The following AGFG1 variants were observed in gnomAD, a reference collection of about 807,000 sequenced individuals.
AGFG1 encodes ArfGAP with FG repeats 1.
AGFG1 carries 10 observed loss-of-function variants against 60.6 expected under a neutral mutation model. The ratio of observed to expected loss-of-function variants is 0.16; its 90% CI spans 0.10 to 0.28. The LOEUF (loss-of-function observed/expected upper bound fraction) is 0.28. Ranked by LOEUF, AGFG1 falls within the 10% of genes least tolerant of loss-of-function variation. AGFG1 has a pLI of 1.00. For missense variants in AGFG1, 537 were observed against 676.5 expected (o/e 0.79, Z 2.29); for synonymous variants, 247 against 242.9 (o/e 1.02, Z -0.16).
chr2:227,491,466 GAAATATTT>G (rs71412126), intron 1 of AGFG1, 73 bp from the exon 2 acceptor site: 79,722 of 868,356 alleles, frequency 0.092, 3,689 homozygotes, highest in Admixed American at 0.13. Context: ...GTGTTGGTTA[GAAATATTT>G]TGAATTACTA....
Position 227,491,563 on chromosome 2 carries a change from C to A in AGFG1, c.184C>A (p.Pro62Thr). Residue 62 changes from proline to threonine, a missense_variant, in exon 2 of 13, where the codon CCA (proline) becomes ACA (threonine). Physicochemically the swap from Pro to Thr is conservative, Grantham distance 38. Coordinates refer to ENST00000310078, the MANE Select transcript of AGFG1 (RefSeq NM_004504.5). ...ATCTTTTAGGCGAGGATTAAATCCA[C>A]CACACAGGGTGAAATCTATCTCCAT... ...CSGSLRGLNP[P>T]HRVKSISMTT... 6.4e-7 allele frequency: 1 copy of A among 1,552,518 alleles called. No individual in the cohort carries two copies. Among genetic ancestry groups the A allele is most frequent in the East Asian group, 2.4e-5 (1 of 42,540 alleles).
chr2:227,480,430 C>G (rs1393429920), intron 1 of AGFG1, among the ~76,000 whole-genome samples: 1 of 151,880 alleles, frequency 6.6e-6, no homozygotes, highest in African/African-American at 2.4e-5. Flanking sequence ...GATGGAGTCT[C>G]ACTCCATCTC....
At chr2:227,520,869 G>A (rs1691803866) in intron 3 of AGFG1, among the ~76,000 whole-genome samples, 1 of 152,114 alleles carries the variant, frequency 6.6e-6, no homozygotes, top group African/African-American at 2.4e-5. Flanking sequence ...TAAATAATGG[G>A]GAAGTAACGA....
chr2:227,504,188 A>T (rs540490494), intron 2 of AGFG1, among the ~76,000 whole-genome samples: 373 of 138,582 alleles, frequency 2.7e-3, no homozygotes, highest in Non-Finnish European at 3.9e-3. Context: ...CTTGGTGTAA[A>T]TTTTTTTTTT....
chr2:227,529,100 G>A (rs1269747592), intron 5 of AGFG1, among the ~76,000 whole-genome samples: 1 of 151,986 alleles, frequency 6.6e-6, no homozygotes, highest in East Asian at 1.9e-4. Context: ...AGAATAAAAT[G>A]TATATGCCTG....
At chr2:227,553,301 C>T (rs183918603) in intron 11 of AGFG1, among the ~76,000 whole-genome samples, 1 of 152,124 alleles carries the variant, frequency 6.6e-6, no homozygotes, top group East Asian at 1.9e-4. Context: ...AGATTGAGAC[C>T]AGCCTGGGCA....
chr2:227,519,782 AC>A lies in AGFG1; in HGVS notation c.262-165del, dbSNP rs537569290. 4.3e-3 allele frequency among the ~76,000 whole-genome samples: 654 copies of A among 152,366 alleles called. 1 individual carries two copies. Among genetic ancestry groups the A allele is most frequent in the Non-Finnish European group, 6.7e-3 (459 of 68,026 alleles). ...TGCTAAAATTTTACTGCATACTGCA[AC>A]ATATTAAAAATAAATTTAGTTCCTG... On this transcript the variant is annotated intron_variant, in intron 2 of 12. Coordinates refer to ENST00000310078, the MANE Select transcript of AGFG1 (RefSeq NM_004504.5).
At chr2:227,503,310 G>A (rs1691215370) in intron 2 of AGFG1, among the ~76,000 whole-genome samples, 1 of 151,404 alleles carries the variant, frequency 6.6e-6, no homozygotes, top group Non-Finnish European at 1.5e-5. Context: ...TGTCATTTGT[G>A]TATTTGTTAA....
intron 2 of AGFG1, among the ~76,000 whole-genome samples, chr2:227,493,212 T>A (rs552425871): frequency 6.6e-6 from 1 of 152,266 alleles, no homozygotes; most frequent in African/African-American, 2.4e-5. Context: ...TTTTTAGATG[T>A]GCAGTATTCT....
intron 10 of AGFG1, among the ~76,000 whole-genome samples, chr2:227,546,749 A>G (rs1692661246): frequency 1.3e-5 from 2 of 152,238 alleles, no homozygotes; most frequent in South Asian, 4.1e-4. Flanking sequence ...CAGAGCCCTT[A>G]AATCTAATTA....
rs368732307 is a variant in AGFG1 at position 227,544,735 on chromosome 2, A to G, written c.1379-7224A>G. Among the ~76,000 whole-genome samples, 7 of 152,304 alleles carry G rather than the reference A, an allele frequency of 4.6e-5. No homozygotes were observed. The East Asian group carries it at 7.7e-4, about 17-fold the overall frequency. ...CTTATGAAGCTTAGTTTGGCTGGAT[A>G]TGAAATTCTGGGTTGAAAATTCTTT... On this transcript the variant is annotated intron_variant, in intron 10 of 12. Coordinates refer to ENST00000310078, the MANE Select transcript of AGFG1 (RefSeq NM_004504.5).
chr2:227,493,072 A>G (rs1469621339), intron 2 of AGFG1, among the ~76,000 whole-genome samples: 2 of 152,200 alleles, frequency 1.3e-5, no homozygotes, highest in Non-Finnish European at 2.9e-5. Flanking sequence ...ACAGCAGTCA[A>G]TTGAAGAAGT....
chr2:227,530,856 G>A (rs34044110), intron 5 of AGFG1, among the ~76,000 whole-genome samples: 114,305 of 152,018 alleles, frequency 0.75, 43,086 homozygotes, highest in South Asian at 0.84. Flanking sequence ...AGAGTATTGT[G>A]TCCAAATTTA....
intron 2 of AGFG1, among the ~76,000 whole-genome samples, chr2:227,492,881 C>T (rs1016444129): frequency 5.3e-5 from 8 of 150,856 alleles, no homozygotes; most frequent in African/African-American, 1.9e-4. Flanking sequence ...ATTTGAACTA[C>T]TTGTGTAAAG....
At chr2:227,506,486 T>C (rs2106188961) in intron 2 of AGFG1, among the ~76,000 whole-genome samples, 1 of 150,812 alleles carries the variant, frequency 6.6e-6, no homozygotes, top group East Asian at 2.0e-4. Context: ...TCTTGTACTT[T>C]AAGCTTTAAG....
chr2:227,531,305 T>C, intron 6 of AGFG1, 95 bp downstream of exon 6: 1 of 1,374,518 alleles, frequency 7.3e-7, no homozygotes, highest in Non-Finnish European at 9.8e-7. Flanking sequence ...TTAAATTCTG[T>C]AATTATCTGA....
At chr2:227,509,643 C>CAA (rs1691437970) in intron 2 of AGFG1, among the ~76,000 whole-genome samples, 1 of 151,738 alleles carries the variant, frequency 6.6e-6, no homozygotes, top group Non-Finnish European at 1.5e-5. Flanking sequence ...CAAATGTTAC[C>CAA]GTTGGAGACT....
At chr2:227,473,012 G>C (rs1316375772) in intron 1 of AGFG1, among the ~76,000 whole-genome samples, 1 of 150,262 alleles carries the variant, frequency 6.7e-6, no homozygotes, top group Admixed American at 6.6e-5. Context: ...CGGGTCCTTT[G>C]TGTGCCCCGC....
chr2:227,554,308 CAAT>C, intron 12 of AGFG1, 125 bp from the exon 13 acceptor site: 1 of 748,170 alleles, frequency 1.3e-6, no homozygotes, highest in Non-Finnish European at 2.2e-6. Context: ...ATATTATTGC[CAAT>C]AATTTAAAAA....
Sources: gnomAD v4.1 joint callset for allele counts (sites outside exome capture counted in the v4.1 genomes callset) on GRCh38, gnomAD v4.1.1 for gene constraint, MANE v1.5 for transcripts, NCBI Gene and HGNC (gene_info 2026-07-23, HGNC 2026-07-21) for gene names.